GALNTL5: variants seen among roughly 807,000 people sequenced by gnomAD.
GALNTL5 encodes the protein polypeptide N-acetylgalactosaminyltransferase like 5, also known as inactive polypeptide N-acetylgalactosaminyltransferase-like protein 5.
GALNTL5 carries 44 observed loss-of-function variants against 51.0 expected under a neutral mutation model. The observed-to-expected ratio is 0.86, with a 90% CI of 0.68 to 1.11. The LOEUF is 1.11. Among genes scored for constraint, GALNTL5 ranks in the 50% least tolerant of loss-of-function variants. GALNTL5 has a pLI of 0.00. For synonymous variants in GALNTL5, 192 were observed against 182.8 expected, an observed-to-expected ratio of 1.05 and a Z score of -0.41; for missense variants, 528 against 531.8, an observed-to-expected ratio of 0.99 and a Z score of 0.07.
chr7:151,982,699 T>C, intron 3 of GALNTL5: 1 of 460,258 alleles, frequency 2.2e-6, no homozygotes, highest in Non-Finnish European at 3.9e-6. Context: ...ATATAATTTG[T>C]GTTTATACTA....
At chr7:152,003,586 GA>G (rs2081608882) in intron 6 of GALNTL5, among the ~76,000 whole-genome samples, 2 of 152,322 alleles carry the variant, frequency 1.3e-5, no homozygotes, top group South Asian at 4.1e-4. Context: ...CAGAGGAAGT[GA>G]TCTGATCAAT....
chr7:151,959,948 C>T (rs962739077), intron 1 of GALNTL5, among the ~76,000 whole-genome samples: 4 of 152,142 alleles, frequency 2.6e-5, no homozygotes, highest in African/African-American at 4.8e-5. Flanking sequence ...CCCCATCCCA[C>T]GTGTCAGAGC....
chr7:152,008,865 T>A (rs1474623556), intron 7 of GALNTL5, among the ~76,000 whole-genome samples: 2 of 152,240 alleles, frequency 1.3e-5, no homozygotes, highest in African/African-American at 4.8e-5. Context: ...TTTTATTATA[T>A]TGCACTCTAA....
intron 2 of GALNTL5, among the ~76,000 whole-genome samples, chr7:151,968,634 G>C (rs1252256706): frequency 1.3e-5 from 2 of 152,212 alleles, no homozygotes; most frequent in East Asian, 1.9e-4. Context: ...GTGAGTGCCA[G>C]GGGGACAGTG....
chr7:151,990,076 T>G (rs2081408467), intron 5 of GALNTL5, among the ~76,000 whole-genome samples: 1 of 152,070 alleles, frequency 6.6e-6, no homozygotes, highest in Non-Finnish European at 1.5e-5. Flanking sequence ...AGGGTCTCAC[T>G]CTGTTGCCCA....
intron 3 of GALNTL5, among the ~76,000 whole-genome samples, chr7:151,982,290 T>A (rs2081302256): frequency 6.6e-6 from 1 of 152,074 alleles, no homozygotes; most frequent in Non-Finnish European, 1.5e-5. Flanking sequence ...GGTGCATGCC[T>A]GTAATCCCAG....
chr7:152,018,944 G>A (rs962144988), intron 8 of GALNTL5, among the ~76,000 whole-genome samples: 4 of 152,170 alleles, frequency 2.6e-5, no homozygotes, highest in Admixed American at 1.3e-4. Flanking sequence ...TTCTGTTTGC[G>A]AAGGGCTTCA....
intron 2 of GALNTL5, among the ~76,000 whole-genome samples, chr7:151,969,616 T>C (rs137942288): frequency 9.2e-4 from 140 of 152,082 alleles, no homozygotes; most frequent in East Asian, 6.1e-3. Context: ...ATGTCGCCTA[T>C]TGATTGTTAG....
intron 5 of GALNTL5, among the ~76,000 whole-genome samples, chr7:152,000,410 G>A (rs939139908): frequency 6.6e-6 from 1 of 152,188 alleles, no homozygotes; most frequent in African/African-American, 2.4e-5. Context: ...GGATGAGAAG[G>A]GAGGTCCTCA....
intron 5 of GALNTL5, among the ~76,000 whole-genome samples, chr7:151,990,437 C>T (rs917577025): frequency 6.7e-5 from 10 of 149,998 alleles, no homozygotes; most frequent in South Asian, 6.5e-4. Flanking sequence ...AAATATTAGC[C>T]GGGCGTGGTG....
intron 1 of GALNTL5, among the ~76,000 whole-genome samples, chr7:151,961,215 C>T (rs888064421): frequency 5.3e-5 from 8 of 151,426 alleles, no homozygotes; most frequent in African/African-American, 1.9e-4. Flanking sequence ...AAGCTGTGCA[C>T]AGTGGCTCAC....
chr7:151,958,654 C>T lies in GALNTL5; in HGVS notation c.-40+2045C>T, dbSNP rs549387264. On this transcript the variant is annotated intron_variant, in intron 1 of 8. Transcript: ENST00000392800. ...ACTGGTGCTCCTAGGCTGGCCCAGC[C>T]CTACCACCACTTCCCATGATGTGGG... 7.2e-4 allele frequency among the ~76,000 whole-genome samples: 110 copies of T among 152,274 alleles called. 1 individual carries two copies. The highest frequency in any genetic ancestry group is 1.3e-3 in the Non-Finnish European group (91 of 68,022).
chr7:151,980,936 G>A (rs991207883), intron 3 of GALNTL5, among the ~76,000 whole-genome samples: 3 of 151,512 alleles, frequency 2.0e-5, no homozygotes, highest in African/African-American at 7.3e-5. Flanking sequence ...TAGTAGAGAC[G>A]GGGTTTCACC....
At chr7:152,012,360 G>A (rs2081747492) in intron 7 of GALNTL5, among the ~76,000 whole-genome samples, 1 of 152,094 alleles carries the variant, frequency 6.6e-6, no homozygotes, top group African/African-American at 2.4e-5. Context: ...AGTCAGAATG[G>A]CTATTACTAA....
At chr7:151,999,613 G>A (rs753264847) in intron 5 of GALNTL5, among the ~76,000 whole-genome samples, 1 of 152,112 alleles carries the variant, frequency 6.6e-6, no homozygotes, top group African/African-American at 2.4e-5. Flanking sequence ...ATGATGTTTC[G>A]CATCTGTTTG....
chr7:151,964,932 G>C (rs1342551630), intron 1 of GALNTL5, among the ~76,000 whole-genome samples: 1 of 152,160 alleles, frequency 6.6e-6, no homozygotes, highest in African/African-American at 2.4e-5. Flanking sequence ...GTGGGAGGAA[G>C]GGAAGAAGAC....
intron 5 of GALNTL5, among the ~76,000 whole-genome samples, chr7:151,997,851 A>G (rs1048695286): frequency 6.6e-6 from 1 of 152,196 alleles, no homozygotes; most frequent in African/African-American, 2.4e-5. Context: ...TTAGGTCTTT[A>G]TTTCATACCA....
rs61288964 is a variant in GALNTL5, at chr7:151,980,737, A to ATTTT, written c.369-2226_369-2223dup. Reference sequence around the variant, plus strand: ...CCGTGTGATTGCAGTGCTAACAATGATTTTTTTTTTTTTTTTTTTTTTTTT... The same window carrying ATTTT: ...CCGTGTGATTGCAGTGCTAACAATGATTTTTTTTTTTTTTTTTTTTTTTTTTTTT... On this transcript the variant is annotated intron_variant, in intron 3 of 8. Coordinates refer to ENST00000392800, the MANE Select transcript of GALNTL5 (RefSeq NM_145292.4). Among the ~76,000 whole-genome samples the ATTTT allele has an allele frequency of 2.9e-3, 288 of 98,876 alleles. 28 individuals carry two copies. The highest frequency in any genetic ancestry group is 0.021 in the Admixed American group (177 of 8,344). The allele number at this position is 98,876 out of a possible 152,430, so 64.9% of individuals were successfully genotyped here.
intron 1 of GALNTL5, among the ~76,000 whole-genome samples, chr7:151,963,071 T>A (rs1464582828): frequency 6.6e-6 from 1 of 152,272 alleles, no homozygotes; most frequent in African/African-American, 2.4e-5. Context: ...AGATCAAGAA[T>A]TGATGCATAA....
Sources: allele counts gnomAD v4.1 joint callset (sites outside exome capture counted in the v4.1 genomes callset), GRCh38; gene constraint gnomAD v4.1.1; transcripts MANE v1.5; gene names NCBI Gene and HGNC (gene_info 2026-07-23, HGNC 2026-07-21).